Variants in TYW3 observed in about 807,000 individuals in gnomAD.
TYW3 encodes tRNA wybutosine-synthesizing protein 3 homolog.
TYW3 carries 26 observed loss-of-function variants against 23.1 expected under a neutral mutation model. The ratio of observed to expected loss-of-function variants is 1.13; its 90% CI spans 0.83 to 1.56. The LOEUF (loss-of-function observed/expected upper bound fraction) is 1.56. Among genes scored for constraint, TYW3 ranks in the 40% most tolerant of loss-of-function variants. TYW3 has a pLI of 0.00. For synonymous variants in TYW3, 102 were observed against 105.7 expected, an observed-to-expected ratio of 0.97 and a Z score of 0.21; for missense variants, 316 against 311.9, an observed-to-expected ratio of 1.01 and a Z score of -0.10.
chr1:74,739,366 AAAAC>A (rs1368473057), intron 3 of TYW3, among the ~76,000 whole-genome samples: 1 of 152,204 alleles, frequency 6.6e-6, no homozygotes, highest in Non-Finnish European at 1.5e-5. Flanking sequence ...AACTGGCAAA[AAAAC>A]AAAAAACAAA....
intron 3 of TYW3, among the ~76,000 whole-genome samples, chr1:74,739,659 G>A (rs898031663): frequency 1.3e-5 from 2 of 152,194 alleles, no homozygotes; most frequent in Non-Finnish European, 2.9e-5. Flanking sequence ...TAAAGAGTTT[G>A]AATTTCTTTC....
At chr1:74,734,752 G>A (rs1036509497) in intron 1 of TYW3, among the ~76,000 whole-genome samples, 33 of 152,298 alleles carry the variant, frequency 2.2e-4, no homozygotes, top group Admixed American at 1.8e-3. Flanking sequence ...TCTATGAACT[G>A]AGGATAATAA....
chr1:74,734,996 A>G (rs1648094235), intron 1 of TYW3, among the ~76,000 whole-genome samples: 1 of 152,140 alleles, frequency 6.6e-6, no homozygotes, highest in Admixed American at 6.6e-5. Context: ...TTCATTTTTA[A>G]ATCACTTCCA....
chr1:74,752,621 A>G (rs1191993082), intron 5 of TYW3, among the ~76,000 whole-genome samples, 196 bp downstream of exon 5: 1 of 152,214 alleles, frequency 6.6e-6, no homozygotes, highest in Non-Finnish European at 1.5e-5. Context: ...CATGGGCACT[A>G]AATGGAGCAT....
chr1:74,762,815 T>C (rs1159647414), intron 5 of TYW3, among the ~76,000 whole-genome samples: 1 of 152,160 alleles, frequency 6.6e-6, no homozygotes, highest in Non-Finnish European at 1.5e-5. Context: ...CACCATGCTA[T>C]GCTGCCTGCT....
At chr1:74,735,705 G>A (rs1648129400) in intron 1 of TYW3, among the ~76,000 whole-genome samples, 1 of 152,164 alleles carries the variant, frequency 6.6e-6, no homozygotes, top group Non-Finnish European at 1.5e-5. Context: ...AGAGTAGCCA[G>A]CACAATGTCA....
chr1:74,733,975 C>CT (rs61135741), intron 1 of TYW3: 8,283 of 149,742 alleles, frequency 0.055, 272 homozygotes, highest in African/African-American at 0.073. Flanking sequence ...GATGGTTAGA[C>CT]TTTTTTTTTT....
intron 5 of TYW3, among the ~76,000 whole-genome samples, chr1:74,759,259 A>G (rs999995389): frequency 2.6e-5 from 4 of 152,182 alleles, no homozygotes; most frequent in African/African-American, 9.7e-5. Context: ...TCCATCAGAC[A>G]TGGCAGCAGG....
Position 74,733,169 on chromosome 1 carries a change from G to C in TYW3, c.-76G>C, listed in dbSNP as rs1336139788. On this transcript the variant is annotated 5_prime_UTR_variant, in exon 1 of 6. Transcript: ENST00000370867. ...GTTTGGACCTTTTCGGCCACCGCTCGCTTCAATATGGCTGCCCCCAGGGAG... is the reference window on the plus strand; with the variant it reads ...GTTTGGACCTTTTCGGCCACCGCTCCCTTCAATATGGCTGCCCCCAGGGAG... The C allele has an allele frequency of 6.5e-7, 1 of 1,529,172 alleles. No individual in the cohort carries two copies. Among genetic ancestry groups the C allele is most frequent in the Non-Finnish European group, 8.8e-7 (1 of 1,138,630 alleles). The allele number at this position is 1,529,172 out of a possible 1,614,324, so 94.7% of individuals were successfully genotyped here.
chr1:74,736,671 T>A, intron 2 of TYW3, 49 bp downstream of exon 2: 1 of 1,389,890 alleles, frequency 7.2e-7, no homozygotes, highest in South Asian at 1.3e-5. Flanking sequence ...ATTCAGTTAC[T>A]TTAAATACAT....
chr1:74,735,634 A>G (rs1041856606), intron 1 of TYW3, among the ~76,000 whole-genome samples: 2 of 152,358 alleles, frequency 1.3e-5, no homozygotes, highest in East Asian at 1.9e-4. Flanking sequence ...TTAGTTGCCA[A>G]TCCCACCACT....
At chr1:74,744,423 G>A (rs1049029793) in intron 3 of TYW3, among the ~76,000 whole-genome samples, 6 of 152,058 alleles carry the variant, frequency 3.9e-5, no homozygotes, top group East Asian at 3.9e-4. Context: ...CACGGTTTGC[G>A]GGTCAAATTG....
At chr1:74,747,721 A>G (rs1363554517) in intron 3 of TYW3, among the ~76,000 whole-genome samples, 1 of 151,478 alleles carries the variant, frequency 6.6e-6, no homozygotes, top group East Asian at 1.9e-4. Context: ...GTGTATATAT[A>G]TGTATACACA....
In TYW3 at chr1:74,765,690, G is replaced by A. The variant is rs1372201695; in HGVS notation, c.*1577G>A. 6.6e-6 allele frequency: 1 copy of A among 152,068 alleles called. No homozygotes were observed. Among genetic ancestry groups the A allele is most frequent in the African/African-American group, 2.4e-5 (1 of 41,412 alleles). The allele number at this position is 152,068 out of a possible 1,614,324, so 9.4% of individuals were successfully genotyped here. On this transcript the variant is annotated 3_prime_UTR_variant, in exon 6 of 6. Coordinates refer to ENST00000370867, the MANE Select transcript of TYW3 (RefSeq NM_138467.3). ...GAAAGAGAGAGTGCAGGTGGAACGA[G>A]CCTATCCTGTGGTGAAATGACAACA...
In TYW3 at chr1:74,765,954, T is replaced by C. The variant is rs1288408191; in HGVS notation, c.*1841T>C. 1 of 152,124 alleles carries C rather than the reference T, an allele frequency of 6.6e-6. No individual in the cohort carries two copies. The highest frequency in any genetic ancestry group is 1.5e-5 in the Non-Finnish European group (1 of 68,030). The allele number at this position is 152,124 out of a possible 1,614,324, so 9.4% of individuals were successfully genotyped here. A position where few individuals can be genotyped will look rare whatever the true frequency, so the allele number is the denominator to read the frequency against. On this transcript the variant is annotated 3_prime_UTR_variant, in exon 6 of 6. Coordinates refer to ENST00000370867, the MANE Select transcript of TYW3 (RefSeq NM_138467.3). The stretch of plus-strand genomic sequence containing the variant: ...GCCATAAACCTAAGAAGACATTGAA[T>C]CCCATTCACTCCTTAACATTCCTTA...
chr1:74,751,543 GCCTGTA>G, intron 4 of TYW3: 1 of 152,390 alleles, frequency 6.6e-6, no homozygotes, highest in Non-Finnish European at 1.5e-5. Context: ...CGTGGCGCAT[GCCTGTA>G]ATCCCAGCTA....
At chr1:74,735,272 A>C (rs1451713171) in intron 1 of TYW3, among the ~76,000 whole-genome samples, 1 of 152,172 alleles carries the variant, frequency 6.6e-6, no homozygotes, top group African/African-American at 2.4e-5. Flanking sequence ...TTAGCTAGTT[A>C]CTGAAACTAA....
intron 4 of TYW3, chr1:74,750,317 A>C (rs1648737604): frequency 6.6e-6 from 1 of 152,116 alleles, no homozygotes; most frequent in South Asian, 2.1e-4. Context: ...TAATCCCAGC[A>C]CTTTGGGAGG....
rs1201095114 is a variant in TYW3, at chr1:74,738,774, G to C, written c.340G>C (p.Asp114His). Residue 114 changes from aspartate (D) to histidine (H), a missense_variant, in exon 3 of 6, where the codon GAT (aspartate) becomes CAT (histidine). By Grantham distance (81) the Asp-to-His change is moderately conservative. Transcript: ENST00000370867. ...VLHVQCRQLQ[D>H]AQILHSMAID... ...TCATGTGCAGTGTCGACAATTGCAG[G>C]ATGCACAGATTCTGGTAAAATTTTG... The C allele has an allele frequency of 6.2e-7, 1 of 1,609,056 alleles. No homozygotes were observed. Among genetic ancestry groups the C allele is most frequent in the Non-Finnish European group, 8.5e-7 (1 of 1,176,378 alleles).
Sources: gnomAD v4.1 joint callset for allele counts (sites outside exome capture counted in the v4.1 genomes callset) on GRCh38, gnomAD v4.1.1 for gene constraint, MANE v1.5 for transcripts, NCBI Gene and HGNC (gene_info 2026-07-23, HGNC 2026-07-21) for gene names.